The following FUT8 variants were observed in gnomAD, a reference collection of about 807,000 sequenced individuals.
FUT8 encodes the protein fucosyltransferase 8.
FUT8 carries 29 observed loss-of-function variants against 71.3 expected under a neutral mutation model. The observed-to-expected ratio is 0.41, with a 90% CI of 0.30 to 0.55. The LOEUF (loss-of-function observed/expected upper bound fraction) is 0.55. FUT8 is among the 20% of genes least tolerant of loss of function. The pLI is 0.34. For synonymous variants in FUT8, 254 were observed against 239.3 expected, an observed-to-expected ratio of 1.06 and a Z score of -0.57; for missense variants, 544 against 702.1, an observed-to-expected ratio of 0.77 and a Z score of 2.55.
chr14:65,446,892 C>T (rs1051868836), intron 1 of FUT8, among the ~76,000 whole-genome samples: 1 of 151,762 alleles, frequency 6.6e-6, no homozygotes, highest in African/African-American at 2.4e-5. Flanking sequence ...TGGACTTGAA[C>T]TCCTGTGCTC....
intron 2 of FUT8, among the ~76,000 whole-genome samples, chr14:65,466,230 C>T (rs978211155): frequency 6.6e-6 from 1 of 152,078 alleles, no homozygotes; most frequent in African/African-American, 2.4e-5. Flanking sequence ...GATTTGCTCT[C>T]GACAGCATGT....
At chr14:65,648,874 A>G (rs1458898498) in intron 6 of FUT8, among the ~76,000 whole-genome samples, 1 of 152,208 alleles carries the variant, frequency 6.6e-6, no homozygotes, top group Non-Finnish European at 1.5e-5. Context: ...ATGCTATCAC[A>G]AGAGGGTCTA....
chr14:65,611,302 C>CACACACACACACACA (rs1566851609), intron 3 of FUT8, among the ~76,000 whole-genome samples: 2 of 38,478 alleles, frequency 5.2e-5, no homozygotes, highest in African/African-American at 3.0e-4. Flanking sequence ...CACACACACA[C>CACACACACACACACA]CCCCCAAGTA....
the FUT8 span, among the ~76,000 whole-genome samples, chr14:65,377,660 C>T: frequency 2.0e-4 from 31 of 152,110 alleles, no homozygotes; most frequent in Admixed American, 3.9e-4. Context: ...AAAGGAGGAT[C>T]CTCTTTACAG....
intron 1 of FUT8, among the ~76,000 whole-genome samples, chr14:65,433,384 C>G (rs183809677): frequency 6.6e-6 from 1 of 152,318 alleles, no homozygotes; most frequent in East Asian, 1.9e-4. Flanking sequence ...TCCAGGAAGA[C>G]AAACTGAAGA....
At chr14:65,458,606 C>G (rs2065928700) in intron 2 of FUT8, among the ~76,000 whole-genome samples, 1 of 152,138 alleles carries the variant, frequency 6.6e-6, no homozygotes, top group South Asian at 2.1e-4. Context: ...GGTTTAGACT[C>G]TAGCTTCTAA....
intron 2 of FUT8, among the ~76,000 whole-genome samples, chr14:65,509,979 T>C (rs1882224729): frequency 6.6e-6 from 1 of 152,084 alleles, no homozygotes; most frequent in African/African-American, 2.4e-5. Context: ...TAATGAATAA[T>C]AGTGGTGAAA....
chr14:65,578,285 T>C lies in FUT8; in HGVS notation c.203+16519T>C, dbSNP rs574889224. 9.8e-5 allele frequency among the ~76,000 whole-genome samples: 15 copies of C among 152,302 alleles called. No homozygotes were observed. In the East Asian group the frequency reaches 2.9e-3, roughly 29 times the overall value. On this transcript the variant is annotated intron_variant, in intron 3 of 10. Transcript: ENST00000673929. ...TAAATAATAGCAGGAAATACAGTCA[T>C]TGTGGCATATTGATTTCAGTATCAC...
intron 2 of FUT8, among the ~76,000 whole-genome samples, chr14:65,542,359 A>G (rs1884724674): frequency 2.0e-5 from 3 of 152,296 alleles, no homozygotes; most frequent in Admixed American, 1.3e-4. Flanking sequence ...ACCATCATCC[A>G]ACATTATCAG....
At chr14:65,665,955 A>G (rs555555262) in intron 6 of FUT8, among the ~76,000 whole-genome samples, 1 of 152,216 alleles carries the variant, frequency 6.6e-6, no homozygotes, top group East Asian at 1.9e-4. Flanking sequence ...GAGGAGGGAG[A>G]GGATCAGGAA....
intron 1 of FUT8, among the ~76,000 whole-genome samples, chr14:65,424,744 T>C (rs2065357477): frequency 6.6e-6 from 1 of 152,076 alleles, no homozygotes; most frequent in African/African-American, 2.4e-5. Context: ...CACTGCAACC[T>C]CTGCCTTCTG....
chr14:65,454,191 T>C (rs2065866715), intron 1 of FUT8, among the ~76,000 whole-genome samples: 1 of 152,254 alleles, frequency 6.6e-6, no homozygotes, highest in Admixed American at 6.5e-5. Context: ...CAAAGACTTT[T>C]GGGTGAAGTT....
At chr14:65,721,502 G>A (rs1397118879) in intron 7 of FUT8, among the ~76,000 whole-genome samples, 1 of 152,140 alleles carries the variant, frequency 6.6e-6, no homozygotes, top group African/African-American at 2.4e-5. Context: ...TTTGAGTTCT[G>A]CATACCATGA....
At chr14:65,644,186 T>A (rs1470486517) in intron 6 of FUT8, among the ~76,000 whole-genome samples, 1 of 152,056 alleles carries the variant, frequency 6.6e-6, no homozygotes, top group African/African-American at 2.4e-5. Context: ...CAGATTCAGG[T>A]TTGGGGGAGT....
At chr14:65,639,509 G>GAC (rs10559310) in intron 6 of FUT8, among the ~76,000 whole-genome samples, 5,725 of 148,160 alleles carry the variant, frequency 0.039, 251 homozygotes, top group African/African-American at 0.11. Flanking sequence ...TTCAAATCCA[G>GAC]ACACACACAC....
chr14:65,616,354 G>T lies in FUT8; in HGVS notation c.463G>T (p.Asp155Tyr). 1 of 1,600,276 alleles carries T rather than the reference G, an allele frequency of 6.2e-7. No individual in the cohort carries two copies. Among genetic ancestry groups the T allele is most frequent in the Non-Finnish European group, 8.5e-7 (1 of 1,174,850 alleles). Reference protein sequence around the residue: ...LQRHADEFLLDLGHHERSIMT... With the variant: ...LQRHADEFLLYLGHHERSIMT... ...AAGACATGCAGATGAATTTCTTTTGGATTTAGGACATCATGAAAGGTACTA... is the reference window on the plus strand; with the variant it reads ...AAGACATGCAGATGAATTTCTTTTGTATTTAGGACATCATGAAAGGTACTA... Residue 155 changes from aspartate (D) to tyrosine (Y), a missense_variant, in exon 5 of 11, where the codon GAT (aspartate) becomes TAT (tyrosine). Coordinates refer to ENST00000673929, the MANE Select transcript of FUT8 (RefSeq NM_001371533.1).
chr14:65,417,437 A>T (rs1238002189), intron 1 of FUT8, among the ~76,000 whole-genome samples: 1 of 152,154 alleles, frequency 6.6e-6, no homozygotes, highest in Non-Finnish European at 1.5e-5. Context: ...TCTCTACAAT[A>T]TTCTGAACAT....
chr14:65,410,117 T>C (rs2065107273), upstream of FUT8, among the ~76,000 whole-genome samples: 1 of 152,198 alleles, frequency 6.6e-6, no homozygotes, highest in African/African-American at 2.4e-5. Flanking sequence ...GGGGATTCCT[T>C]CTCTCTCAGA....
Position 65,433,786 on chromosome 14 carries a change from T to TTCTCTCTCTCTCTCTCTCTC in FUT8, c.-326+20585_-326+20604dup, listed in dbSNP as rs71126744. On this transcript the variant is annotated intron_variant, in intron 1 of 10. Coordinates refer to ENST00000673929, the MANE Select transcript of FUT8 (RefSeq NM_001371533.1). ...TTTATTTCTACCTCTCTTCTGTCTC[T>TTCTCTCTCTCTCTCTCTCTC]TCTCTCTCTCTCTCTCTCTCTCTCT... Among the ~76,000 whole-genome samples, 1,164 of 144,904 alleles carry TTCTCTCTCTCTCTCTCTCTC rather than the reference T, an allele frequency of 8.0e-3. 32 individuals carry two copies. The highest frequency in any genetic ancestry group is 0.029 in the South Asian group (119 of 4,150).
Sources: gnomAD v4.1 joint callset for allele counts (sites outside exome capture counted in the v4.1 genomes callset) on GRCh38, gnomAD v4.1.1 for gene constraint, MANE v1.5 for transcripts, NCBI Gene and HGNC (gene_info 2026-07-23, HGNC 2026-07-21) for gene names.